Variants in SERPINE3 observed in about 807,000 individuals in gnomAD.
SERPINE3 encodes the protein serpin E3.
SERPINE3 carries 43 observed loss-of-function variants against 41.7 expected under a neutral mutation model. The observed-to-expected ratio is 1.03, with a 90% CI of 0.81 to 1.33. The LOEUF (loss-of-function observed/expected upper bound fraction) is 1.33, where lower values mean the gene tolerates loss of function less well. Ranked by LOEUF, SERPINE3 falls within the 40% of genes most tolerant of loss-of-function variation. The pLI is 0.00. For missense variants in SERPINE3, 440 were observed against 491.7 expected, an observed-to-expected ratio of 0.89 and a Z score of 0.99; for synonymous variants, 200 against 192.2, an observed-to-expected ratio of 1.04 and a Z score of -0.34.
chr13:51,349,063 A>G lies in SERPINE3; in HGVS notation c.899+652A>G, dbSNP rs900489132. ...TATTAGCAAAACTCATAACTTTACA[A>G]AAAGACTCCTCTTAGGGCTTCTTTA... is the stretch of plus-strand genomic sequence containing the variant. On this transcript the variant is annotated intron_variant, in intron 6 of 9. Coordinates refer to ENST00000681248, the MANE Select transcript of SERPINE3 (RefSeq NM_001386375.1). Among the ~76,000 whole-genome samples the G allele has an allele frequency of 2.0e-5, 3 of 152,230 alleles. No homozygotes were observed. In the South Asian group the frequency reaches 6.2e-4, roughly 32 times the overall value.
chr13:51,341,456 G>T lies in SERPINE3; in HGVS notation c.256+109G>T, dbSNP rs973388957. 86 of 1,100,272 alleles carry T rather than the reference G, an allele frequency of 7.8e-5. No homozygotes were observed. In the Middle Eastern group the frequency reaches 8.8e-4, roughly 11 times the overall value. The allele number at this position is 1,100,272 out of a possible 1,614,324, so 68.2% of individuals were successfully genotyped here. A position where few individuals can be genotyped will look rare whatever the true frequency, so the allele number is the denominator to read the frequency against. On this transcript the variant is annotated intron_variant, in intron 3 of 9. Coordinates refer to ENST00000681248, the MANE Select transcript of SERPINE3 (RefSeq NM_001386375.1). ...ACACTCACTCTCTCCAGCTTACCCT[G>T]CTGCTCATACTCACACTCACTCTCT...
intron 7 of SERPINE3, among the ~76,000 whole-genome samples, chr13:51,360,544 A>G (rs1801617713): frequency 1.3e-5 from 2 of 152,226 alleles, no homozygotes; most frequent in Admixed American, 6.6e-5. Context: ...TTAGCTTACA[A>G]AAATCAGCCA....
At chr13:51,345,509 C>T (rs1194561584) in intron 4 of SERPINE3, among the ~76,000 whole-genome samples, 1 of 147,838 alleles carries the variant, frequency 6.8e-6, no homozygotes, top group Non-Finnish European at 1.5e-5. Flanking sequence ...GCAGGAGAAT[C>T]GCTTGAACCC....
rs539627838 is a variant in SERPINE3 at position 51,341,140 on chromosome 13, C to T, written c.49C>T (p.Arg17Ter). The change falls in exon 3 of 10, where the codon CGA (arginine) becomes TGA (stop). Residue 17 changes from arginine (R) to a stop codon, truncating the protein, a stop_gained. Coordinates refer to ENST00000681248, the MANE Select transcript of SERPINE3 (RefSeq NM_001386375.1). LOFTEE classifies it high-confidence loss of function. ...TLFLFHSCCL[R>*]ANGHLREGMT... ...CTTCCTCTTTCACTCTTGCTGCCTCCGAGCAAATGGCCACCTCCGTGAAGG... is the reference window on the plus strand; with the variant it reads ...CTTCCTCTTTCACTCTTGCTGCCTCTGAGCAAATGGCCACCTCCGTGAAGG... 1.8e-5 allele frequency: 29 copies of T among 1,613,994 alleles called. No homozygotes were observed. The highest frequency in any genetic ancestry group is 1.6e-4 in the South Asian group (15 of 91,080).
At chr13:51,356,936 C>T (rs1955489994) in intron 7 of SERPINE3, among the ~76,000 whole-genome samples, 1 of 152,222 alleles carries the variant, frequency 6.6e-6, no homozygotes, top group East Asian at 1.9e-4. Flanking sequence ...ACAAAACATG[C>T]CAGTCTGTTA....
At position 51,364,117 on chromosome 13, in the gene SERPINE3, A is replaced by T. The variant is rs182945369; in HGVS notation, c.1172-122A>T. ...AATGTGACTACAGGCAATTACCTTA[A>T]CAATTCCATCTATTAAATGTTATCT... On this transcript the variant is annotated intron_variant, in intron 9 of 9. Transcript: ENST00000681248. 1.9e-3 allele frequency: 855 copies of T among 455,882 alleles called. 6 individuals are homozygous for T. Among genetic ancestry groups the T allele is most frequent in the African/African-American group, 0.015 (760 of 49,314 alleles). 28.2% of individuals were successfully genotyped at this position (455,882 alleles called of 1,614,324 possible).
chr13:51,356,633 G>A (rs1314150009), intron 7 of SERPINE3, among the ~76,000 whole-genome samples: 2 of 152,094 alleles, frequency 1.3e-5, no homozygotes, highest in South Asian at 2.1e-4. Flanking sequence ...ACATCCTAAT[G>A]TGCCATCAAC....
Position 51,341,355 on chromosome 13 carries a change from G to T in SERPINE3, c.256+8G>T. ...TGGGGTACACTGTCCATGGTAAGAG[G>T]CCTGCCCACGTGCACACTCACTTAC... On this transcript the variant is annotated splice_region_variant and intron_variant, in intron 3 of 9. Transcript: ENST00000681248. The T allele has an allele frequency of 6.3e-7, 1 of 1,577,398 alleles. No homozygotes were observed.
chr13:51,361,306 A>G lies in SERPINE3; in HGVS notation c.1029A>G (p.Ala343=). 6.2e-7 allele frequency: 1 copy of G among 1,610,194 alleles called. No homozygotes were observed. The highest frequency in any genetic ancestry group is 8.5e-7 in the Non-Finnish European group (1 of 1,177,652). The change falls in exon 8 of 10, where the codon GCA becomes GCG. Residue 343 remains alanine (A), a synonymous_variant. Coordinates refer to ENST00000681248, the MANE Select transcript of SERPINE3 (RefSeq NM_001386375.1). ...SGQDGFYVSE[A]IHKAKIEVLE... ...AAGATGGCTTTTATGTTTCTGAAGC[A>G]ATCCACAAGGCCAAGATTGAAGTTT...
intron 7 of SERPINE3, among the ~76,000 whole-genome samples, chr13:51,357,149 G>A (rs983949982): frequency 6.6e-6 from 1 of 151,990 alleles, no homozygotes; most frequent in Non-Finnish European, 1.5e-5. Flanking sequence ...TTTAATATCC[G>A]GCCCTTTATA....
chr13:51,341,401 T>G, intron 3 of SERPINE3, 54 bp downstream of exon 3: 1 of 1,478,984 alleles, frequency 6.8e-7, no homozygotes, highest in Non-Finnish European at 9.2e-7. Context: ...ACACTCACAC[T>G]CTCTCCAGCT....
chr13:51,342,469 T>C (rs1955303317), intron 3 of SERPINE3, among the ~76,000 whole-genome samples: 1 of 152,226 alleles, frequency 6.6e-6, no homozygotes, highest in Non-Finnish European at 1.5e-5. Flanking sequence ...TAGCACAATG[T>C]CTATGAACAC....
At chr13:51,347,521 G>T (rs2137779296) in intron 5 of SERPINE3, among the ~76,000 whole-genome samples, 1 of 152,318 alleles carries the variant, frequency 6.6e-6, no homozygotes, top group East Asian at 1.9e-4. Flanking sequence ...GGACCAAACT[G>T]CCACCCTGGC....
intron 7 of SERPINE3, among the ~76,000 whole-genome samples, chr13:51,359,467 A>G (rs1955528912): frequency 6.6e-6 from 1 of 152,108 alleles, no homozygotes; most frequent in Non-Finnish European, 1.5e-5. Flanking sequence ...TATAAATGTC[A>G]ATTATTGGAC....
In SERPINE3 at chr13:51,361,832, T is replaced by A. The variant is rs754099516; in HGVS notation, c.1110T>A (p.Ser370=). The A allele has an allele frequency of 6.2e-7, 1 of 1,610,366 alleles. No homozygotes were observed. Among genetic ancestry groups the A allele is most frequent in the Non-Finnish European group, 8.5e-7 (1 of 1,178,326 alleles). The change falls in exon 9 of 10, where the codon TCT becomes TCA. Residue 370 remains serine (S), a synonymous_variant. Transcript: ENST00000681248. ...GATALLLLKR[S]RIPIFKADRP... is the part of the protein sequence containing the mutation. ...CAGCTCTGTTGTTATTGAAAAGGTC[T>A]CGGATTCCTATTTTTAAAGCAGATC...
At chr13:51,345,789 C>T (rs1315684129) in intron 4 of SERPINE3, among the ~76,000 whole-genome samples, 2 of 152,324 alleles carry the variant, frequency 1.3e-5, no homozygotes, top group South Asian at 2.1e-4. Context: ...ATTCCCTGCT[C>T]ACATCCTTGT....
intron 3 of SERPINE3, among the ~76,000 whole-genome samples, chr13:51,343,832 C>T (rs1481119228): frequency 1.3e-5 from 2 of 152,202 alleles, no homozygotes; most frequent in Non-Finnish European, 1.5e-5. Flanking sequence ...GTCACTGTAA[C>T]ATTGCACATA....
At chr13:51,362,136 GATT>G in intron 9 of SERPINE3, 6 of 1,237,306 alleles carry the variant, frequency 4.8e-6, no homozygotes, top group Non-Finnish European at 6.3e-6. Context: ...AGTTAATGTA[GATT>G]TTTTTTTTTA....
In SERPINE3 at chr13:51,341,487, T is replaced by C. The variant is rs113846253; in HGVS notation, c.256+140T>C. 1.0e-3 allele frequency: 900 copies of C among 858,628 alleles called. 9 individuals are homozygous for C. Among genetic ancestry groups the C allele is most frequent in the African/African-American group, 7.1e-3 (421 of 59,278 alleles). 53.2% of individuals were successfully genotyped at this position (858,628 alleles called of 1,614,324 possible). Reference sequence around the variant, plus strand: ...CATACTCACACTCACTCTCTCCAGCTCACCCTGCTGCTCAGGCTACCTGGG... The same window carrying C: ...CATACTCACACTCACTCTCTCCAGCCCACCCTGCTGCTCAGGCTACCTGGG... On this transcript the variant is annotated intron_variant, in intron 3 of 9. Coordinates refer to ENST00000681248, the MANE Select transcript of SERPINE3 (RefSeq NM_001386375.1).
Sources: gnomAD v4.1 joint callset for allele counts (sites outside exome capture counted in the v4.1 genomes callset) on GRCh38, gnomAD v4.1.1 for gene constraint, MANE v1.5 for transcripts, NCBI Gene and HGNC (gene_info 2026-07-23, HGNC 2026-07-21) for gene names.